Variants in CCSER1 observed in about 807,000 individuals in gnomAD.
CCSER1 encodes the protein serine-rich coiled-coil domain-containing protein 1.
A neutral mutation model predicts 82.0 loss-of-function variants in CCSER1; 41 were observed. That is an observed-to-expected ratio of 0.50 (90% CI 0.39 to 0.65). CCSER1 has a LOEUF of 0.65. CCSER1 is among the 30% of genes least tolerant of loss of function. CCSER1 has a pLI of 0.00. For synonymous variants in CCSER1, 414 were observed against 383.9 expected (o/e 1.08, Z -0.92); for missense variants, 1,119 against 1,064.2 (o/e 1.05, Z -0.72).
intron 4 of CCSER1, among the ~76,000 whole-genome samples, chr4:90,429,969 T>C (rs1758053697): frequency 6.6e-6 from 1 of 151,844 alleles, no homozygotes; most frequent in Non-Finnish European, 1.5e-5. Context: ...GGAAAGATCT[T>C]TACTAAGTCT....
At chr4:91,184,923 G>T (rs556228069) in intron 10 of CCSER1, among the ~76,000 whole-genome samples, 9 of 152,284 alleles carry the variant, frequency 5.9e-5, no homozygotes, top group African/African-American at 1.9e-4. Context: ...AGGTACAGAA[G>T]TTATAATTGG....
intron 10 of CCSER1, among the ~76,000 whole-genome samples, chr4:91,545,918 G>A (rs756725853): frequency 2.6e-5 from 4 of 152,084 alleles, no homozygotes; most frequent in Non-Finnish European, 4.4e-5. Flanking sequence ...TTAGTTGTAG[G>A]TTTTATTGTA....
intron 1 of CCSER1, among the ~76,000 whole-genome samples, chr4:90,258,802 A>T (rs1463960723): frequency 6.6e-6 from 1 of 152,096 alleles, no homozygotes; most frequent in South Asian, 2.1e-4. Context: ...TGCACTCCTC[A>T]CCTAAGCAGT....
chr4:91,521,862 C>A (rs377366982), intron 10 of CCSER1, among the ~76,000 whole-genome samples: 28 of 152,076 alleles, frequency 1.8e-4, no homozygotes, highest in African/African-American at 5.3e-4. Context: ...TTCCTTTTGC[C>A]GTGCAGAAGC....
rs538627592 is a variant in CCSER1 at position 90,985,737 on chromosome 4, G to A, written c.2172+62290G>A. ...TATTTAACTGATAAAATTTTAATTCGCTGGCTAATTTTCTCCCTGCAACTA... is the reference window on the plus strand; with the variant it reads ...TATTTAACTGATAAAATTTTAATTCACTGGCTAATTTTCTCCCTGCAACTA... On this transcript the variant is annotated intron_variant, in intron 9 of 10. Coordinates refer to ENST00000509176, the MANE Select transcript of CCSER1 (RefSeq NM_001145065.2). Among the ~76,000 whole-genome samples, 5 of 151,304 alleles carry A rather than the reference G, an allele frequency of 3.3e-5. No homozygotes were observed. In the East Asian group the frequency reaches 5.9e-4, roughly 18 times the overall value.
At chr4:91,089,132 T>C (rs1002498076) in intron 10 of CCSER1, among the ~76,000 whole-genome samples, 11 of 152,140 alleles carry the variant, frequency 7.2e-5, no homozygotes, top group Admixed American at 3.9e-4. Context: ...TCTGTCCCTT[T>C]TGAGGGCTCA....
intron 3 of CCSER1, among the ~76,000 whole-genome samples, chr4:90,383,541 C>T (rs1267314979): frequency 1.3e-5 from 2 of 152,094 alleles, no homozygotes; most frequent in Non-Finnish European, 2.9e-5. Context: ...TGCTAGCAGC[C>T]TTCTAAAGAA....
At chr4:90,950,502 A>G (rs1732779605) in intron 9 of CCSER1, among the ~76,000 whole-genome samples, 1 of 151,558 alleles carries the variant, frequency 6.6e-6, no homozygotes, top group Admixed American at 6.6e-5. Flanking sequence ...CAAAACATAC[A>G]CATACACACA....
chr4:90,558,105 A>G (rs1778341977), intron 5 of CCSER1, among the ~76,000 whole-genome samples: 1 of 152,134 alleles, frequency 6.6e-6, no homozygotes, highest in South Asian at 2.1e-4. Context: ...TATCACTGGT[A>G]TGTGCTTGAA....
chr4:90,849,807 AAAAAG>A (rs1283271948), intron 8 of CCSER1, among the ~76,000 whole-genome samples: 1 of 151,518 alleles, frequency 6.6e-6, no homozygotes, highest in African/African-American at 2.4e-5. Flanking sequence ...AAAAAAAAAA[AAAAAG>A]AAAACCCATT....
At chr4:90,655,911 C>T (rs1307388109) in intron 6 of CCSER1, among the ~76,000 whole-genome samples, 3 of 151,810 alleles carry the variant, frequency 2.0e-5, no homozygotes, top group Admixed American at 6.6e-5. Flanking sequence ...AGTAAAAATC[C>T]TCAGAATACG....
intron 5 of CCSER1, among the ~76,000 whole-genome samples, chr4:90,497,017 T>C (rs926476465): frequency 1.0e-4 from 11 of 109,826 alleles, no homozygotes; most frequent in Non-Finnish European, 2.0e-4. Context: ...ATAAAGGAAA[T>C]AATAGTCATC....
Position 90,328,931 on chromosome 4 carries a change from T to C in CCSER1, c.1509+15884T>C, listed in dbSNP as rs547103735. ...TCTAAAAATAAAAAAAGTAATAAAGTAATAAAATGTACTAAATTAGTGAAC... is the reference window on the plus strand; with the variant it reads ...TCTAAAAATAAAAAAAGTAATAAAGCAATAAAATGTACTAAATTAGTGAAC... On this transcript the variant is annotated intron_variant, in intron 3 of 10. Coordinates refer to ENST00000509176, the MANE Select transcript of CCSER1 (RefSeq NM_001145065.2). 1.1e-4 allele frequency among the ~76,000 whole-genome samples: 17 copies of C among 152,320 alleles called. No homozygotes were observed. In the South Asian group the frequency reaches 3.5e-3, roughly 32 times the overall value.
intron 9 of CCSER1, among the ~76,000 whole-genome samples, chr4:90,948,309 A>G (rs1472182993): frequency 6.6e-6 from 1 of 151,776 alleles, no homozygotes; most frequent in African/African-American, 2.4e-5. Flanking sequence ...ATATAAATAA[A>G]TATATATATG....
chr4:90,746,147 A>G (rs1340801102), intron 7 of CCSER1, among the ~76,000 whole-genome samples: 6 of 152,186 alleles, frequency 3.9e-5, no homozygotes, highest in African/African-American at 1.4e-4. Flanking sequence ...TGGAACCATA[A>G]AATTATATTG....
intron 1 of CCSER1, among the ~76,000 whole-genome samples, chr4:90,221,406 A>G (rs1742124337): frequency 1.3e-5 from 2 of 152,314 alleles, no homozygotes; most frequent in East Asian, 1.9e-4. Context: ...GCATTAAAAA[A>G]TTCAGCATAT....
chr4:91,169,490 G>A (rs183239270), intron 10 of CCSER1, among the ~76,000 whole-genome samples: 49 of 152,092 alleles, frequency 3.2e-4, no homozygotes, highest in African/African-American at 7.7e-4. Context: ...GCATGGTGGC[G>A]GGTGCCTGTA....
At chr4:90,483,008 A>C (rs534376870) in intron 5 of CCSER1, among the ~76,000 whole-genome samples, 2 of 152,300 alleles carry the variant, frequency 1.3e-5, no homozygotes, top group East Asian at 1.9e-4. Flanking sequence ...TGGGAGTCTA[A>C]GTCACTTTGT....
chr4:91,382,407 C>T lies in CCSER1; in HGVS notation c.2218-216165C>T, dbSNP rs182842794. On this transcript the variant is annotated intron_variant, in intron 10 of 10. Coordinates refer to ENST00000509176, the MANE Select transcript of CCSER1 (RefSeq NM_001145065.2). Reference sequence around the variant, plus strand: ...TTACCTACTCAAGCCTCAGCAATGGCGGGCACCTGGCCCTCAGCCTCGCTG... The same window carrying T: ...TTACCTACTCAAGCCTCAGCAATGGTGGGCACCTGGCCCTCAGCCTCGCTG... 1.0e-3 allele frequency among the ~76,000 whole-genome samples: 158 copies of T among 152,306 alleles called. 1 individual carries two copies. The highest frequency in any genetic ancestry group is 6.8e-3 in the Middle Eastern group (2 of 294).
Sources: allele counts gnomAD v4.1 joint callset (sites outside exome capture counted in the v4.1 genomes callset), GRCh38; gene constraint gnomAD v4.1.1; transcripts MANE v1.5; gene names NCBI Gene and HGNC (gene_info 2026-07-23, HGNC 2026-07-21).